DIAPH3: variants seen among roughly 807,000 people sequenced by gnomAD.
DIAPH3 encodes the protein protein diaphanous homolog 3.
Under a neutral mutation model 144.3 loss-of-function variants are expected in DIAPH3, and 117 were observed. The observed-to-expected ratio is 0.81, with a 90% CI of 0.70 to 0.95. The LOEUF is 0.95. DIAPH3 is among the 40% of genes least tolerant of loss of function. The pLI is 0.00. For missense variants in DIAPH3, 1,421 were observed against 1,412.7 expected (o/e 1.01, Z -0.09); for synonymous variants, 519 against 488.9 (o/e 1.06, Z -0.81).
intron 25 of DIAPH3, among the ~76,000 whole-genome samples, chr13:59,775,489 G>A (rs1007297685): frequency 6.6e-5 from 10 of 152,126 alleles, no homozygotes; most frequent in South Asian, 2.1e-4. Flanking sequence ...TGATCTGCCC[G>A]CCTCAGACTA....
At chr13:59,834,471 T>G (rs770996925) in intron 23 of DIAPH3, among the ~76,000 whole-genome samples, 9 of 151,556 alleles carry the variant, frequency 5.9e-5, no homozygotes, top group Non-Finnish European at 1.2e-4. Flanking sequence ...GGCCCACAAT[T>G]TCAAAAAGAT....
intron 9 of DIAPH3, among the ~76,000 whole-genome samples, chr13:60,004,565 A>G (rs974075351): frequency 1.3e-5 from 2 of 152,212 alleles, no homozygotes; most frequent in African/African-American, 4.8e-5. Flanking sequence ...AGCCTTCAAC[A>G]AAATATTTGA....
chr13:60,116,221 C>A (rs2138101688), intron 2 of DIAPH3, among the ~76,000 whole-genome samples: 1 of 152,058 alleles, frequency 6.6e-6, no homozygotes. Flanking sequence ...GTGGAAGAGA[C>A]AAGCACATAG....
At chr13:60,068,754 T>C (rs1048777988) in intron 4 of DIAPH3, among the ~76,000 whole-genome samples, 46 of 152,190 alleles carry the variant, frequency 3.0e-4, no homozygotes, top group African/African-American at 1.1e-3. Flanking sequence ...AGTTTTCTGT[T>C]CCTGCATCAC....
chr13:60,033,001 C>G (rs554524328), intron 5 of DIAPH3, among the ~76,000 whole-genome samples: 1 of 152,192 alleles, frequency 6.6e-6, no homozygotes, highest in Non-Finnish European at 1.5e-5. Flanking sequence ...ACCAGATACC[C>G]TAAATCACTC....
At chr13:59,738,830 T>G (rs1432618474) in intron 27 of DIAPH3, among the ~76,000 whole-genome samples, 2 of 152,260 alleles carry the variant, frequency 1.3e-5, no homozygotes, top group African/African-American at 4.8e-5. Flanking sequence ...AAAGTCAGTT[T>G]GACCACTGTA....
At chr13:59,754,102 G>A (rs1227283680) in intron 27 of DIAPH3, among the ~76,000 whole-genome samples, 1 of 152,108 alleles carries the variant, frequency 6.6e-6, no homozygotes, top group Non-Finnish European at 1.5e-5. Context: ...AAAACAGCCA[G>A]GGAGTAAACA....
At chr13:59,829,162 G>A (rs907920034) in intron 24 of DIAPH3, among the ~76,000 whole-genome samples, 1 of 151,868 alleles carries the variant, frequency 6.6e-6, no homozygotes. Flanking sequence ...TTAGTCAAAG[G>A]TATAGCAAAA....
chr13:60,160,309 A>C (rs1341840947), intron 1 of DIAPH3, among the ~76,000 whole-genome samples: 1 of 152,222 alleles, frequency 6.6e-6, no homozygotes, highest in Non-Finnish European at 1.5e-5. Context: ...TTAACAATCT[A>C]TTTGATGGAA....
At position 60,005,683 on chromosome 13, in the gene DIAPH3, A is replaced by G. The variant is rs575554336; in HGVS notation, c.1014+2861T>C. Among the ~76,000 whole-genome samples, 44 of 152,118 alleles carry G rather than the reference A, an allele frequency of 2.9e-4. 1 individual carries two copies. Among genetic ancestry groups the G allele is most frequent in the African/African-American group, 6.3e-4 (26 of 41,522 alleles). ...TTTTTAGTAGAGACGGGGTTTCACC[A>G]TGTTAGCCAGGATGGTCTCGATCTC... On this transcript the variant is annotated intron_variant, in intron 9 of 27. Transcript: ENST00000400324.
At chr13:59,927,815 C>G (rs1389093924) in intron 17 of DIAPH3, among the ~76,000 whole-genome samples, 6 of 152,186 alleles carry the variant, frequency 3.9e-5, no homozygotes, top group African/African-American at 1.4e-4. Context: ...TTATAAATCA[C>G]TCTTTGCCTT....
chr13:59,984,860 C>A, intron 12 of DIAPH3, among the ~76,000 whole-genome samples: 1 of 116,438 alleles, frequency 8.6e-6, no homozygotes. Flanking sequence ...AGTCCAGGAC[C>A]AGATGGATTC....
At chr13:59,892,635 C>A (rs1033558758) in intron 20 of DIAPH3, among the ~76,000 whole-genome samples, 3 of 151,344 alleles carry the variant, frequency 2.0e-5, no homozygotes, top group African/African-American at 7.3e-5. Flanking sequence ...AATAATATAG[C>A]AAAACAAAGA....
intron 22 of DIAPH3, among the ~76,000 whole-genome samples, chr13:59,844,028 A>G (rs1031255084): frequency 2.6e-5 from 4 of 151,918 alleles, no homozygotes; most frequent in African/African-American, 9.7e-5. Context: ...TAATGGGTTT[A>G]TAGATGCAGC....
intron 1 of DIAPH3, among the ~76,000 whole-genome samples, chr13:60,159,333 T>C (rs928873923): frequency 6.6e-6 from 1 of 152,160 alleles, no homozygotes; most frequent in Non-Finnish European, 1.5e-5. Context: ...TGATTAAGAA[T>C]GTGTATTCTA....
intron 20 of DIAPH3, among the ~76,000 whole-genome samples, chr13:59,907,116 T>G (rs1307366711): frequency 6.6e-6 from 1 of 152,168 alleles, no homozygotes; most frequent in East Asian, 1.9e-4. Flanking sequence ...AATGACAAAG[T>G]ATATTTTCAT....
chr13:59,719,910 A>T (rs1283644639), intron 27 of DIAPH3, among the ~76,000 whole-genome samples: 1 of 152,162 alleles, frequency 6.6e-6, no homozygotes, highest in East Asian at 1.9e-4. Flanking sequence ...GAAGTATAAA[A>T]GTCAATGATA....
intron 18 of DIAPH3, among the ~76,000 whole-genome samples, chr13:59,916,589 G>A (rs1357525954): frequency 1.3e-5 from 2 of 152,012 alleles, no homozygotes; most frequent in Admixed American, 6.6e-5. Flanking sequence ...ACATCACATT[G>A]TAATGAAAAT....
At chr13:59,743,477 G>A (rs977444982) in intron 27 of DIAPH3, among the ~76,000 whole-genome samples, 2 of 152,172 alleles carry the variant, frequency 1.3e-5, no homozygotes, top group Non-Finnish European at 2.9e-5. Flanking sequence ...GATGTACCTT[G>A]TTGGGGGTGG....
Sources: allele counts gnomAD v4.1 joint callset (sites outside exome capture counted in the v4.1 genomes callset), GRCh38; gene constraint gnomAD v4.1.1; transcripts MANE v1.5; gene names NCBI Gene and HGNC (gene_info 2026-07-23, HGNC 2026-07-21).